The following MUC4 variants were observed in gnomAD, a reference collection of about 807,000 sequenced individuals.
The protein encoded by MUC4 is mucin 4, cell surface associated.
MUC4 carries 202 observed loss-of-function variants against 257.9 expected under a neutral mutation model. The observed-to-expected ratio is 0.78, with a 90% CI of 0.70 to 0.88. MUC4 has a LOEUF of 0.88. MUC4 is among the 40% of genes least tolerant of loss of function. MUC4 has a pLI of 0.00. For synonymous variants in MUC4, 2,351 were observed against 2,757.1 expected, an observed-to-expected ratio of 0.85 and a Z score of 4.62; for missense variants, 5,976 against 6,513.7, an observed-to-expected ratio of 0.92 and a Z score of 2.84.
In MUC4 at chr3:195,779,571, G is replaced by T. The variant is rs772574182; in HGVS notation, c.12009C>A (p.Val4003=). The change falls in exon 2 of 25, where the codon GTC becomes GTA. Residue 4003 remains valine (V), a synonymous_variant. Transcript: ENST00000463781. ...VSTGHATPLP[V]TSTSSVSTGH... is the part of the protein sequence containing the mutation. ...CTGTAGATACTGAGGAAGTGCTGGT[G>T]ACAGGAAGAGGGGTGGCGTGACCTG... The T allele has an allele frequency of 2.9e-5, 42 of 1,434,330 alleles. 11 individuals carry two copies. In the East Asian group the frequency reaches 1.1e-3, roughly 38 times the overall value. The allele number at this position is 1,434,330 out of a possible 1,614,324, so 88.9% of individuals were successfully genotyped here. A position where few individuals can be genotyped will look rare whatever the true frequency, so the allele number is the denominator to read the frequency against.
rs1715223049 is a variant in MUC4 at position 195,747,300 on chromosome 3, A to G, written c.16115T>C (p.Ile5372Thr). ...LSMKLDAFFG[I>T]FFGALGGLLL... ...GAGGCCGCCCAGGGCCCCAAAGAAG[A>G]TGCCGAAGAACGCGTCGAGTTTCAT... Residue 5372 changes from isoleucine to threonine, a missense_variant, in exon 25 of 25, where the codon ATC becomes ACC. This residue lies in a region of MUC4 where 310 missense variants were observed against 242.1 expected (regional missense o/e 1.28). Transcript: ENST00000463781. The G allele has an allele frequency of 3.7e-6, 6 of 1,614,180 alleles. No homozygotes were observed. Among genetic ancestry groups the G allele is most frequent in the Non-Finnish European group, 5.1e-6 (6 of 1,179,968 alleles).
In MUC4 at chr3:195,760,919, A is replaced by G; in HGVS notation, c.14813T>C (p.Val4938Ala). The G allele has an allele frequency of 1.2e-6, 2 of 1,614,186 alleles. No homozygotes were observed. The highest frequency in any genetic ancestry group is 1.7e-6 in the Non-Finnish European group (2 of 1,180,016). Residue 4938 changes from valine (V) to alanine (A), a missense_variant, in exon 16 of 25, where the codon GTC becomes GCC. Physicochemically the swap from Val to Ala is moderately conservative, Grantham distance 64. Coordinates refer to ENST00000463781, the MANE Select transcript of MUC4 (RefSeq NM_018406.7). ...NASIGLHTRE[V>A]SKNYEQANAT... ...GTTCGCCTGCTCGTAGTTTTTACTG[A>G]CTTCCCTCGTGTGAAGTCCGATGCT...
At position 195,790,669 on chromosome 3, in the gene MUC4, C is replaced by T. The variant is rs1198032629; in HGVS notation, c.911G>A (p.Gly304Glu). The T allele has an allele frequency of 5.0e-6, 8 of 1,613,846 alleles. No individual in the cohort carries two copies. Among genetic ancestry groups the T allele is most frequent in the Non-Finnish European group, 6.8e-6 (8 of 1,179,886 alleles). The change falls in exon 2 of 25, where the codon GGA (glycine) becomes GAA (glutamate). Residue 304 changes from glycine to glutamate, a missense_variant. Coordinates refer to ENST00000463781, the MANE Select transcript of MUC4 (RefSeq NM_018406.7). ...CCTTGAGAAAGTTGCTGGTGATTGT[C>T]CTTCTGGATCAAATGTTACTAAGGC... ...SAALVTFDPEGQSPATFSRTS... is the reference protein window; with the variant it reads ...SAALVTFDPEEQSPATFSRTS...
chr3:195,783,307 GTGTCGGTGA>G lies in MUC4; in HGVS notation c.8264_8272del (p.Val2755_Thr2758delinsAla), dbSNP rs1729338331. On this transcript the variant is annotated inframe_deletion, in exon 2 of 25. Coordinates refer to ENST00000463781, the MANE Select transcript of MUC4 (RefSeq NM_018406.7). ...GGCGTGACCTGTGGATGCTGAGGAA[GTGTCGGTGA>G]CAGGAAGAGGGGTGGTGTCACCTGT... The G allele has an allele frequency of 6.7e-7, 1 of 1,491,100 alleles. No individual in the cohort carries two copies. Among genetic ancestry groups the G allele is most frequent in the African/African-American group, 1.4e-5 (1 of 69,412 alleles). The allele number at this position is 1,491,100 out of a possible 1,614,324, so 92.4% of individuals were successfully genotyped here.
Position 195,751,187 on chromosome 3 carries a change from G to T in MUC4, c.15647+20C>A. 6.3e-7 allele frequency: 1 copy of T among 1,580,070 alleles called. No individual in the cohort carries two copies. Among genetic ancestry groups the T allele is most frequent in the Non-Finnish European group, 8.6e-7 (1 of 1,162,378 alleles). ...ATGAGGAAGAGATCTGGGGGCTTAG[G>T]GGGACACAGTCCCACTTACATTCGT... On this transcript the variant is annotated intron_variant, in intron 22 of 24. Transcript: ENST00000463781.
intron 18 of MUC4, among the ~76,000 whole-genome samples, chr3:195,754,913 CATG>C (rs1717325271): frequency 1.4e-5 from 1 of 69,528 alleles, no homozygotes; most frequent in Non-Finnish European, 2.9e-5. Context: ...ATGTGTGTGT[CATG>C]CATGTATGCA....
Position 195,780,151 on chromosome 3 carries a change from G to T in MUC4, c.11429C>A (p.Pro3810His), listed in dbSNP as rs1453264998. The T allele has an allele frequency of 6.8e-5, 100 of 1,475,748 alleles. No homozygotes were observed. In the African/African-American group the frequency reaches 9.6e-4, roughly 14 times the overall value. 91.4% of individuals were successfully genotyped at this position (1,475,748 alleles called of 1,614,324 possible). The change falls in exon 2 of 25, where the codon CCT becomes CAT. Residue 3810 changes from proline (P) to histidine (H), a missense_variant. Coordinates refer to ENST00000463781, the MANE Select transcript of MUC4 (RefSeq NM_018406.7). ...SASTGQATPL[P>H]VTSLSSVSTG... ...GGATACTGAGGAAAGGCTGGTGACA[G>T]GAAGAGGGGTGGCCTGACCTGTGGA...
In MUC4 at chr3:195,790,253, G is replaced by C. The variant is rs1806440; in HGVS notation, c.1327C>G (p.Leu443Val). 1.2e-6 allele frequency: 2 copies of C among 1,613,820 alleles called. No individual in the cohort carries two copies. The highest frequency in any genetic ancestry group is 2.7e-5 in the African/African-American group (2 of 74,890). Residue 443 changes from leucine (L) to valine (V), a missense_variant, in exon 2 of 25, where the codon CTA (leucine) becomes GTA (valine). Physicochemically the swap from Leu to Val is conservative, Grantham distance 32. Coordinates refer to ENST00000463781, the MANE Select transcript of MUC4 (RefSeq NM_018406.7). The part of the protein sequence containing the change: ...TLSTALSPSS[L>V]PPKISTAFHT... ...AAAGCTGTGGATATTTTTGGAGGTA[G>C]AGAACTGGGGGAGAGTGCTGTTGAC...
At chr3:195,761,365 C>G (rs1718867861) in intron 15 of MUC4, 119 bp downstream of exon 15, 2 of 918,484 alleles carry the variant, frequency 2.2e-6, no homozygotes, top group Admixed American at 4.2e-5. Context: ...TGGGGGGGCA[C>G]AGATTCCTCA....
In MUC4 at chr3:195,747,066, T is replaced by C. The variant is rs1715171467; in HGVS notation, c.*110A>G. ...AGTATTCATTCTCCTTGAAGAATCC[T>C]GACAGCCTTCAGTCACCTTCCCTTT... On this transcript the variant is annotated 3_prime_UTR_variant, in exon 25 of 25. Transcript: ENST00000463781. The C allele has an allele frequency of 2.1e-6, 3 of 1,413,558 alleles. No homozygotes were observed. Among genetic ancestry groups the C allele is most frequent in the Admixed American group, 3.6e-5 (2 of 54,958 alleles). The allele number at this position is 1,413,558 out of a possible 1,614,324, so 87.6% of individuals were successfully genotyped here. A position where few individuals can be genotyped will look rare whatever the true frequency, so the allele number is the denominator to read the frequency against.
rs1213561665 is a variant in MUC4, at chr3:195,786,663, G to C, written c.4917C>G (p.Ser1639=). ...GGGTGGCGTGACCTGTGGATAATGA[G>C]GAAGCATTGGTGACAGGAAGAGGGG... ...DTTPLPVTNA[S]SLSTGHATPL... Residue 1639 remains serine (S), a synonymous_variant, in exon 2 of 25, where the codon TCC becomes TCG. Transcript: ENST00000463781. 6.5e-7 allele frequency: 1 copy of C among 1,528,228 alleles called. No homozygotes were observed. Among genetic ancestry groups the C allele is most frequent in the Admixed American group, 2.0e-5 (1 of 49,914 alleles). 94.7% of individuals were successfully genotyped at this position (1,528,228 alleles called of 1,614,324 possible). A position where few individuals can be genotyped will look rare whatever the true frequency, so the allele number is the denominator to read the frequency against.
At chr3:195,776,400 C>G (rs1486406243) in intron 3 of MUC4, among the ~76,000 whole-genome samples, 1 of 52,428 alleles carries the variant, frequency 1.9e-5, no homozygotes, top group Non-Finnish European at 3.5e-5. Flanking sequence ...CCTTCCACAC[C>G]CATACCTTCC....
At chr3:195,803,872 GACTGCC>G (rs979355384) in intron 1 of MUC4, among the ~76,000 whole-genome samples, 1 of 152,144 alleles carries the variant, frequency 6.6e-6, no homozygotes, top group Non-Finnish European at 1.5e-5. Flanking sequence ...CAAGTTCTTG[GACTGCC>G]ACATGCAGAG....
rs1718753371 is a variant in MUC4, at chr3:195,760,929, T to C, written c.14803A>G (p.Thr4935Ala). ...TCGTAGTTTTTACTGACTTCCCTCG[T>C]GTGAAGTCCGATGCTTGCGTTGCGC... ...ALRNASIGLH[T>A]REVSKNYEQA... Residue 4935 changes from threonine (T) to alanine (A), a missense_variant, in exon 16 of 25, where the codon ACG becomes GCG. Physicochemically the swap from Thr to Ala is moderately conservative, Grantham distance 58. Around this residue, in one of 44 missense-constraint regions of MUC4, gnomAD observed 996 missense variants for 1,137.3 expected, o/e 0.88. Transcript: ENST00000463781. The C allele has an allele frequency of 5.0e-6, 8 of 1,614,194 alleles. No individual in the cohort carries two copies. The highest frequency in any genetic ancestry group is 2.2e-5 in the East Asian group (1 of 44,874).
Position 195,789,509 on chromosome 3 carries a change from C to A in MUC4, c.2071G>T (p.Ala691Ser), listed in dbSNP as rs201937556. 59 of 1,613,754 alleles carry A rather than the reference C, an allele frequency of 3.7e-5. No individual in the cohort carries two copies. Among genetic ancestry groups the A allele is most frequent in the Admixed American group, 2.2e-4 (13 of 59,980 alleles). The change falls in exon 2 of 25, where the codon GCA (alanine) becomes TCA (serine). Residue 691 changes from alanine to serine, a missense_variant. Coordinates refer to ENST00000463781, the MANE Select transcript of MUC4 (RefSeq NM_018406.7). ...GGAGCTGGGGCAAAGGTTGTTGCTG[C>A]ACTTATGGTGGGTGCGTCCTGAGGA... ...IVPQDAPTIS[A>S]ATTFAPAPTG...
intron 1 of MUC4, among the ~76,000 whole-genome samples, chr3:195,797,552 A>G (rs1734721813): frequency 6.6e-6 from 1 of 152,224 alleles, no homozygotes; most frequent in Non-Finnish European, 1.5e-5. Context: ...AAAACAATAG[A>G]AACGTTTCTG....
At position 195,749,004 on chromosome 3, in the gene MUC4, A is replaced by C; in HGVS notation, c.15932T>G (p.Val5311Gly). The change falls in exon 24 of 25, where the codon GTC becomes GGC. Residue 5311 changes from valine (V) to glycine (G), a missense_variant. Transcript: ENST00000463781. ...GGTGAAGCCGCTCTGGGGGCTGTAG[A>C]CCAGGTCGTAGCCCTTGTAGCCATC... is the stretch of plus-strand genomic sequence containing the variant. ...RCDGYKGYDL[V>G]YSPQSGFTCV... 6.2e-7 allele frequency: 1 copy of C among 1,609,846 alleles called. No homozygotes were observed. The highest frequency in any genetic ancestry group is 8.5e-7 in the Non-Finnish European group (1 of 1,177,972).
intron 1 of MUC4, among the ~76,000 whole-genome samples, chr3:195,792,791 C>T (rs1229390061): frequency 6.6e-6 from 1 of 152,198 alleles, no homozygotes; most frequent in African/African-American, 2.4e-5. Context: ...GCACGGAATA[C>T]TATGCAGCCA....
At chr3:195,760,590 C>T (rs113082903) in intron 16 of MUC4, among the ~76,000 whole-genome samples, 3,990 of 99,940 alleles carry the variant, frequency 0.04, 369 homozygotes, top group African/African-American at 0.17. Context: ...AGGCGTCCAG[C>T]GCTAGTATGG....
Sources: gnomAD v4.1 joint callset for allele counts (sites outside exome capture counted in the v4.1 genomes callset) on GRCh38, gnomAD v4.1.1 for gene constraint, gnomAD v4.1.1 regional missense constraint, MANE v1.5 for transcripts, NCBI Gene and HGNC (gene_info 2026-07-23, HGNC 2026-07-21) for gene names.